The following SAMD5 variants were observed in gnomAD, a reference collection of about 807,000 sequenced individuals.
SAMD5 encodes sterile alpha motif domain containing 5.
Under a neutral mutation model 11.3 loss-of-function variants are expected in SAMD5, and 13 were observed. That is an observed-to-expected ratio of 1.15 (90% CI 0.75 to 1.83). The LOEUF is 1.83. Ranked by LOEUF, SAMD5 falls within the 40% of genes most tolerant of loss-of-function variation. The pLI, the probability that SAMD5 is intolerant of heterozygous loss-of-function variation, is 0.00. For missense variants in SAMD5, 255 were observed against 239.1 expected, an observed-to-expected ratio of 1.07 and a Z score of -0.44; for synonymous variants, 129 against 111.3, an observed-to-expected ratio of 1.16 and a Z score of -1.00.
the SAMD5 span, among the ~76,000 whole-genome samples, chr6:147,898,998 G>A: frequency 2.6e-5 from 4 of 151,380 alleles, no homozygotes; most frequent in Non-Finnish European, 5.9e-5. Context: ...GGCTAACATG[G>A]TGAAACCCCG....
chr6:147,640,514 A>AAAAAAAAAAAAAAAAAT, intron 1 of SAMD5, among the ~76,000 whole-genome samples: 1 of 150,426 alleles, frequency 6.6e-6, no homozygotes, highest in African/African-American at 2.4e-5. Flanking sequence ...AAAAAAAAAA[A>AAAAAAAAAAAAAAAAAT]AAAAAAAAGA....
chr6:147,894,627 A>G, the SAMD5 span, among the ~76,000 whole-genome samples: 1 of 152,212 alleles, frequency 6.6e-6, no homozygotes, highest in Non-Finnish European at 1.5e-5. Context: ...AGGAAATCCC[A>G]TATTAAACAC....
the SAMD5 span, among the ~76,000 whole-genome samples, chr6:147,945,000 C>A: frequency 6.6e-6 from 1 of 152,200 alleles, no homozygotes; most frequent in African/African-American, 2.4e-5. Context: ...ATATAGTCCC[C>A]ATCATTGCCT....
the SAMD5 span, among the ~76,000 whole-genome samples, chr6:147,806,683 T>G: frequency 1.3e-5 from 2 of 152,216 alleles, no homozygotes; most frequent in African/African-American, 4.8e-5. Flanking sequence ...ACCTCTTGCC[T>G]GCACTAATTT....
At chr6:147,796,727 T>A in the SAMD5 span, among the ~76,000 whole-genome samples, 1 of 152,088 alleles carries the variant, frequency 6.6e-6, no homozygotes, top group Admixed American at 6.5e-5. Context: ...TTTGTTTGTA[T>A]CCTCTTTTAT....
chr6:147,545,250 A>G (rs1232452848), intron 1 of SAMD5, among the ~76,000 whole-genome samples: 1 of 152,216 alleles, frequency 6.6e-6, no homozygotes, highest in Admixed American at 6.5e-5. Context: ...TTAATAGATA[A>G]TAGTAAATTT....
At chr6:147,871,799 GT>G in the SAMD5 span, among the ~76,000 whole-genome samples, 1 of 152,134 alleles carries the variant, frequency 6.6e-6, no homozygotes, top group African/African-American at 2.4e-5. Context: ...GTTTTTTCCA[GT>G]TTTCTTTCAG....
chr6:147,529,426 G>T (rs146324601), intron 1 of SAMD5, among the ~76,000 whole-genome samples: 4 of 152,062 alleles, frequency 2.6e-5, no homozygotes, highest in African/African-American at 9.7e-5. Flanking sequence ...TGTAATTTAG[G>T]TGTATTTATC....
chr6:147,646,034 C>G (rs868428398), intron 1 of SAMD5, among the ~76,000 whole-genome samples: 4 of 89,496 alleles, frequency 4.5e-5, no homozygotes, highest in Non-Finnish European at 8.5e-5. Flanking sequence ...ATGTATCTAT[C>G]TATCTATCTA....
the SAMD5 span, among the ~76,000 whole-genome samples, chr6:147,787,725 A>G: frequency 1.3e-5 from 2 of 152,216 alleles, no homozygotes; most frequent in African/African-American, 2.4e-5. Flanking sequence ...TGTGTGATGC[A>G]AATTTTCTTT....
At chr6:147,728,860 G>A (rs1791666834) in intron 1 of SAMD5, among the ~76,000 whole-genome samples, 1 of 151,814 alleles carries the variant, frequency 6.6e-6, no homozygotes, top group Non-Finnish European at 1.5e-5. Flanking sequence ...AACTCTTTAT[G>A]CAGTTCTGTG....
At chr6:147,602,101 A>G (rs911465212) in intron 1 of SAMD5, among the ~76,000 whole-genome samples, 5 of 152,214 alleles carry the variant, frequency 3.3e-5, no homozygotes, top group Non-Finnish European at 7.3e-5. Flanking sequence ...ACACAAATGC[A>G]TTTCACATTT....
the SAMD5 span, among the ~76,000 whole-genome samples, chr6:147,789,607 G>GA: frequency 2.1e-4 from 32 of 152,048 alleles, no homozygotes; most frequent in Non-Finnish European, 4.0e-4. Context: ...AATTAATGAA[G>GA]AAATGCTGAT....
chr6:147,751,105 A>G, the SAMD5 span, among the ~76,000 whole-genome samples: 1 of 152,146 alleles, frequency 6.6e-6, no homozygotes, highest in Non-Finnish European at 1.5e-5. Context: ...AACACACCAG[A>G]CTTGTCCCAT....
the SAMD5 span, among the ~76,000 whole-genome samples, chr6:147,763,783 C>T: frequency 5.3e-5 from 8 of 151,890 alleles, no homozygotes; most frequent in Non-Finnish European, 1.0e-4. Flanking sequence ...GGGGTTTCAC[C>T]GTGTTAGCCA....
chr6:147,672,015 TATAA>T lies in SAMD5; in HGVS notation c.163-65295_163-65292del, dbSNP rs1790803282. The stretch of plus-strand genomic sequence containing the variant: ...ATTTTGTTGCAGTCTGCATTGAATA[TATAA>T]ATAAATTTTAGGAGCGTTTACGTGT... On this transcript the variant is annotated intron_variant, in intron 1 of 1. Transcript: ENST00000566741. Among the ~76,000 whole-genome samples the T allele has an allele frequency of 4.0e-5, 6 of 151,768 alleles. No homozygotes were observed. The South Asian group carries it at 1.2e-3, about 32-fold the overall frequency.
chr6:147,647,571 T>C (rs1790424390), intron 1 of SAMD5, among the ~76,000 whole-genome samples: 1 of 152,074 alleles, frequency 6.6e-6, no homozygotes, highest in Non-Finnish European at 1.5e-5. Context: ...GATAGATGAT[T>C]ATAAGTGGTA....
the SAMD5 span, among the ~76,000 whole-genome samples, chr6:147,826,781 T>C: frequency 3.3e-5 from 5 of 152,196 alleles, no homozygotes; most frequent in Non-Finnish European, 5.9e-5. Flanking sequence ...AGGGTCATCA[T>C]TGTGGTGTTA....
chr6:147,712,778 C>T (rs954257679), intron 1 of SAMD5, among the ~76,000 whole-genome samples: 2 of 151,296 alleles, frequency 1.3e-5, no homozygotes, highest in Non-Finnish European at 2.9e-5. Context: ...ACCAAATCTG[C>T]TGGCTTAGAC....
Sources: gnomAD v4.1 joint callset for allele counts (sites outside exome capture counted in the v4.1 genomes callset) on GRCh38, gnomAD v4.1.1 for gene constraint, MANE v1.5 for transcripts, NCBI Gene and HGNC (gene_info 2026-07-23, HGNC 2026-07-21) for gene names.